COL22A1: variants seen among roughly 807,000 people sequenced by gnomAD.
The protein encoded by COL22A1 is collagen type XXII alpha 1 chain.
COL22A1 carries 221 observed loss-of-function variants against 248.9 expected under a neutral mutation model. The ratio of observed to expected loss-of-function variants is 0.89; its 90% CI spans 0.80 to 0.99. The LOEUF (loss-of-function observed/expected upper bound fraction) is 0.99. Ranked by LOEUF, COL22A1 falls within the 50% of genes least tolerant of loss-of-function variation. The probability of loss-of-function intolerance (pLI) is 0.00; values close to 1 mark genes in which losing one functional copy is unlikely to be tolerated. For synonymous variants in COL22A1, 891 were observed against 793.4 expected (o/e 1.12, Z -2.07); for missense variants, 2,240 against 2,179.0 (o/e 1.03, Z -0.56).
chr8:138,765,782 G>A (rs1445353424), intron 16 of COL22A1, among the ~76,000 whole-genome samples: 2 of 152,200 alleles, frequency 1.3e-5, no homozygotes, highest in Non-Finnish European at 2.9e-5. Flanking sequence ...CTTGTGCCCA[G>A]AGAGAGAAAG....
At chr8:138,831,792 T>C (rs918057675) in intron 5 of COL22A1, among the ~76,000 whole-genome samples, 4 of 150,732 alleles carry the variant, frequency 2.7e-5, no homozygotes, top group African/African-American at 9.8e-5. Context: ...ACTGGAGGAA[T>C]TAAATATTAA....
chr8:138,684,319 C>T, intron 39 of COL22A1, 106 bp downstream of exon 39: 1 of 787,336 alleles, frequency 1.3e-6, no homozygotes, highest in Non-Finnish European at 2.3e-6. Flanking sequence ...AGCTGAGAAA[C>T]ATGGAAGTGG....
At position 138,826,745 on chromosome 8, in the gene COL22A1, G is replaced by A. The variant is rs1389410624; in HGVS notation, c.882C>T (p.Ala294=). 2.5e-6 allele frequency: 4 copies of A among 1,613,958 alleles called. No homozygotes were observed. The highest frequency in any genetic ancestry group is 3.4e-6 in the Non-Finnish European group (4 of 1,179,986). The change falls in exon 6 of 65, where the codon GCC becomes GCT. Residue 294 remains alanine, a synonymous_variant. Coordinates refer to ENST00000303045, the MANE Select transcript of COL22A1 (RefSeq NM_152888.3). ...TCCTGAACCGGAAGGTTGTGACAAAGGCGTACTCATCAGGTAAACCTTGGG... is the reference window on the plus strand; with the variant it reads ...TCCTGAACCGGAAGGTTGTGACAAAAGCGTACTCATCAGGTAAACCTTGGG... ...VFPQGLPDEY[A]FVTTFRFRKT...
In COL22A1 at chr8:138,897,605, G is replaced by A. The variant is rs370383647; in HGVS notation, c.-72-14361C>T. Among the ~76,000 whole-genome samples, 7 of 152,192 alleles carry A rather than the reference G, an allele frequency of 4.6e-5. No homozygotes were observed. In the East Asian group the frequency reaches 1.4e-3, roughly 29 times the overall value. ...CTTAGTGAAATGGGTCCCTAAGAGTGAAGGCCATCCTGAGGCCCCTGAAGA... is the reference window on the plus strand; with the variant it reads ...CTTAGTGAAATGGGTCCCTAAGAGTAAAGGCCATCCTGAGGCCCCTGAAGA... On this transcript the variant is annotated intron_variant, in intron 1 of 64. Coordinates refer to ENST00000303045, the MANE Select transcript of COL22A1 (RefSeq NM_152888.3).
intron 60 of COL22A1, among the ~76,000 whole-genome samples, chr8:138,601,639 G>T (rs1818023802): frequency 6.6e-6 from 1 of 152,140 alleles, no homozygotes; most frequent in Non-Finnish European, 1.5e-5. Flanking sequence ...TTGTTTTTTG[G>T]AGAAATGAAA....
At chr8:138,722,846 G>GGAGC (rs1306209692) in intron 25 of COL22A1, among the ~76,000 whole-genome samples, 4 of 90,390 alleles carry the variant, frequency 4.4e-5, no homozygotes, top group Non-Finnish European at 7.7e-5. Flanking sequence ...GGGTCACATG[G>GGAGC]GGGCGGGGGG....
At chr8:138,798,694 T>C (rs1816757934) in intron 11 of COL22A1, among the ~76,000 whole-genome samples, 1 of 152,200 alleles carries the variant, frequency 6.6e-6, no homozygotes, top group South Asian at 2.1e-4. Flanking sequence ...CAATCATTTC[T>C]GATGACAAGT....
intron 41 of COL22A1, among the ~76,000 whole-genome samples, chr8:138,675,481 T>C (rs1825435740): frequency 6.6e-6 from 1 of 152,204 alleles, no homozygotes; most frequent in African/African-American, 2.4e-5. Flanking sequence ...TTGCATTTAA[T>C]AAAGATAAAG....
intron 5 of COL22A1, among the ~76,000 whole-genome samples, chr8:138,829,756 C>G (rs946271951): frequency 6.6e-5 from 10 of 152,116 alleles, no homozygotes; most frequent in African/African-American, 2.4e-4. Flanking sequence ...TCCTTATTTT[C>G]TTAATGAATC....
At chr8:138,600,023 T>A (rs373308921) in intron 60 of COL22A1, among the ~76,000 whole-genome samples, 1 of 152,096 alleles carries the variant, frequency 6.6e-6, no homozygotes, top group African/African-American at 2.4e-5. Context: ...CTCTCTCCTT[T>A]CTCTCAGCTC....
At chr8:138,660,788 A>G (rs1587793797) in intron 43 of COL22A1, among the ~76,000 whole-genome samples, 1 of 94,082 alleles carries the variant, frequency 1.1e-5, no homozygotes. Context: ...ATGCACACAC[A>G]CACACAGACA....
In COL22A1 at chr8:138,613,784, C is replaced by T. The variant is rs1819095127; in HGVS notation, c.3978+83G>A. The T allele has an allele frequency of 2.7e-5, 33 of 1,200,190 alleles. No individual in the cohort carries two copies. The South Asian group carries it at 3.9e-4, about 14-fold the overall frequency. The allele number at this position is 1,200,190 out of a possible 1,614,324, so 74.3% of individuals were successfully genotyped here. On this transcript the variant is annotated intron_variant, in intron 56 of 64. Coordinates refer to ENST00000303045, the MANE Select transcript of COL22A1 (RefSeq NM_152888.3). ...AATTTTTTAACAATATATACAGTGG[C>T]ACCAGAGGGAACTAACTAAATATCA...
At chr8:138,693,372 G>A (rs371218836) in intron 35 of COL22A1, among the ~76,000 whole-genome samples, 184 of 152,318 alleles carry the variant, frequency 1.2e-3, no homozygotes, top group African/African-American at 4.2e-3. Context: ...CCTCACCTGC[G>A]AGGGGAGGTC....
chr8:138,629,833 C>T (rs1820561763), intron 50 of COL22A1, among the ~76,000 whole-genome samples: 2 of 152,106 alleles, frequency 1.3e-5, no homozygotes, highest in Non-Finnish European at 1.5e-5. Flanking sequence ...TGCTTGCTAG[C>T]TGGCCTTGGA....
At chr8:138,591,667 C>T (rs1007381544) in intron 63 of COL22A1, among the ~76,000 whole-genome samples, 166 bp from the exon 64 acceptor site, 7 of 152,154 alleles carry the variant, frequency 4.6e-5, no homozygotes, top group Admixed American at 3.3e-4. Flanking sequence ...CCAATTCCCA[C>T]TCACACACTC....
Position 138,598,782 on chromosome 8 carries a change from A to G in COL22A1, c.4302T>C (p.Pro1434=). 1 of 1,614,084 alleles carries G rather than the reference A, an allele frequency of 6.2e-7. No homozygotes were observed. Among genetic ancestry groups the G allele is most frequent in the South Asian group, 1.1e-5 (1 of 91,078 alleles). Residue 1434 remains proline, a synonymous_variant, in exon 61 of 65, where the codon CCT becomes CCC. Transcript: ENST00000303045. ...GGGGTCCAACTGGTCCATTCTCCCC[A>G]GGTAGTCCTTGGGGACCCATCAGGC... The part of the protein sequence containing the change: ...HTGLMGPQGL[P]GENGPVGPPG...
At chr8:138,684,516 C>A (rs758236839) in intron 38 of COL22A1, 47 bp from the exon 39 acceptor site, 1 of 1,388,992 alleles carries the variant, frequency 7.2e-7, no homozygotes, top group South Asian at 1.2e-5. Flanking sequence ...TGAGAGTGAA[C>A]ACTGACCCAT....
At chr8:138,779,627 C>T (rs972196390) in intron 13 of COL22A1, 65 bp from the exon 14 acceptor site, 3 of 1,081,172 alleles carry the variant, frequency 2.8e-6, no homozygotes, top group Non-Finnish European at 2.9e-6. Flanking sequence ...ACCAGAGAAG[C>T]CCACAGTCTC....
Position 138,589,450 on chromosome 8 carries a change from G to A in COL22A1, c.4694-10C>T. 3.3e-6 allele frequency: 5 copies of A among 1,512,784 alleles called. No individual in the cohort carries two copies. Among genetic ancestry groups the A allele is most frequent in the Non-Finnish European group, 4.4e-6 (5 of 1,132,818 alleles). 93.7% of individuals were successfully genotyped at this position (1,512,784 alleles called of 1,614,324 possible). A position where few individuals can be genotyped will look rare whatever the true frequency, so the allele number is the denominator to read the frequency against. On this transcript the variant is annotated splice_polypyrimidine_tract_variant and intron_variant, in intron 64 of 64. Coordinates refer to ENST00000303045, the MANE Select transcript of COL22A1 (RefSeq NM_152888.3). ...GGTTCCCCGGGTTGACCTGGCCCAA[G>A]GAGCAAAAGAAACAGAAGGTGGTTC...
Sources: allele counts gnomAD v4.1 joint callset (sites outside exome capture counted in the v4.1 genomes callset), GRCh38; gene constraint gnomAD v4.1.1; transcripts MANE v1.5; gene names NCBI Gene and HGNC (gene_info 2026-07-23, HGNC 2026-07-21).